The following LTBP1 variants were observed in gnomAD, a reference collection of about 807,000 sequenced individuals.
The protein encoded by LTBP1 is latent-transforming growth factor beta-binding protein 1.
LTBP1 carries 129 observed loss-of-function variants against 207.6 expected under a neutral mutation model. The ratio of observed to expected loss-of-function variants is 0.62; its 90% CI spans 0.54 to 0.72. LTBP1 has a LOEUF of 0.72. LTBP1 is among the 30% of genes least tolerant of loss of function. The pLI, the probability that LTBP1 is intolerant of heterozygous loss-of-function variation, is 0.00. For synonymous variants in LTBP1, 963 were observed against 833.7 expected, an observed-to-expected ratio of 1.16 and a Z score of -2.67; for missense variants, 2,281 against 2,217.2, an observed-to-expected ratio of 1.03 and a Z score of -0.58.
chr2:33,393,234 C>CTTTTTTTT (rs569734292), intron 32 of LTBP1, among the ~76,000 whole-genome samples: 27 of 48,740 alleles, frequency 5.5e-4, no homozygotes, highest in African/African-American at 8.1e-4. Context: ...CCTTCTTCTT[C>CTTTTTTTT]TTTTTTTTTT....
At chr2:33,367,777 A>T (rs995078927) in intron 31 of LTBP1, among the ~76,000 whole-genome samples, 7 of 152,162 alleles carry the variant, frequency 4.6e-5, no homozygotes, top group African/African-American at 1.7e-4. Context: ...TCATTGCAGC[A>T]TTGTTTATAA....
At chr2:33,291,296 T>A (rs1185981977) in intron 19 of LTBP1, among the ~76,000 whole-genome samples, 5 of 152,252 alleles carry the variant, frequency 3.3e-5, no homozygotes, top group African/African-American at 1.2e-4. Flanking sequence ...AAGTATGGTC[T>A]TAGAAATTGA....
At chr2:33,347,619 C>A in intron 26 of LTBP1, 109 bp downstream of exon 26, 1 of 1,299,916 alleles carries the variant, frequency 7.7e-7, no homozygotes, top group Non-Finnish European at 1.1e-6. Context: ...AGCCAGATGT[C>A]CTGACACAGT....
At chr2:33,028,820 C>T (rs2075553989) in intron 3 of LTBP1, among the ~76,000 whole-genome samples, 1 of 152,068 alleles carries the variant, frequency 6.6e-6, no homozygotes, top group Non-Finnish European at 1.5e-5. Flanking sequence ...TTGCTCCTTG[C>T]ACTTAGAATG....
intron 3 of LTBP1, among the ~76,000 whole-genome samples, chr2:33,026,115 G>T (rs1267987831): frequency 6.6e-6 from 1 of 152,134 alleles, no homozygotes; most frequent in African/African-American, 2.4e-5. Flanking sequence ...AAGAGTTCAA[G>T]CTTGTTGCAG....
intron 5 of LTBP1, 94 bp downstream of exon 5, chr2:33,135,054 CT>C: frequency 1.6e-6 from 2 of 1,258,970 alleles, no homozygotes; most frequent in Non-Finnish European, 2.2e-6. Context: ...CTGCTGTCTG[CT>C]TCAATGGGTG....
intron 2 of LTBP1, among the ~76,000 whole-genome samples, chr2:32,992,714 C>G (rs1684612296): frequency 6.6e-6 from 1 of 152,148 alleles, no homozygotes; most frequent in Non-Finnish European, 1.5e-5. Context: ...AGCACTCTGC[C>G]TGGTACACAG....
In LTBP1 at chr2:32,947,706, G is replaced by A; in HGVS notation, c.382G>A (p.Ala128Thr). The A allele has an allele frequency of 6.6e-7, 1 of 1,526,354 alleles. No homozygotes were observed. The highest frequency in any genetic ancestry group is 8.8e-7 in the Non-Finnish European group (1 of 1,137,640). 94.6% of individuals were successfully genotyped at this position (1,526,354 alleles called of 1,614,324 possible). Reference sequence around the variant, plus strand: ...CCCCAATCCCGGCGGCCACCCGGCAGCCGCCCCGTTCACCAAACAAGGCAG... The same window carrying A: ...CCCCAATCCCGGCGGCCACCCGGCAACCGCCCCGTTCACCAAACAAGGCAG... ...LHPNPGGHPA[A>T]APFTKQGRQV... Residue 128 changes from alanine (A) to threonine (T), a missense_variant, in exon 1 of 34, where the codon GCC (alanine) becomes ACC (threonine). Physicochemically the swap from Ala to Thr is moderately conservative, Grantham distance 58. Transcript: ENST00000404816.
chr2:32,976,327 A>G (rs922362877), intron 2 of LTBP1, among the ~76,000 whole-genome samples: 3 of 152,152 alleles, frequency 2.0e-5, no homozygotes, highest in African/African-American at 7.2e-5. Context: ...GGGCCGTGGC[A>G]GTGGGATCCA....
chr2:33,210,290 C>G (rs1472693727), intron 7 of LTBP1, among the ~76,000 whole-genome samples: 5 of 152,122 alleles, frequency 3.3e-5, no homozygotes, highest in Admixed American at 6.5e-5. Context: ...CAATGGGCCT[C>G]CAATCATCTA....
intron 2 of LTBP1, among the ~76,000 whole-genome samples, chr2:32,971,002 T>TTGTGTGTG (rs56246215): frequency 6.6e-4 from 94 of 142,636 alleles, no homozygotes; most frequent in African/African-American, 2.3e-3. Context: ...TCCTAGGTAT[T>TTGTGTGTG]TGTGTGTGTG....
intron 26 of LTBP1, among the ~76,000 whole-genome samples, chr2:33,348,995 A>G (rs7589035): frequency 0.12 from 18,196 of 152,162 alleles, 2,074 homozygotes; most frequent in African/African-American, 0.3. Flanking sequence ...AAAATTTTCT[A>G]GCAGTATCCT....
intron 24 of LTBP1, among the ~76,000 whole-genome samples, chr2:33,339,243 G>A (rs141699004): frequency 8.6e-5 from 13 of 151,984 alleles, no homozygotes; most frequent in African/African-American, 3.1e-4. Flanking sequence ...GAGGAGGGGA[G>A]TGATAATAAA....
chr2:33,025,218 C>T (rs1475586564), intron 3 of LTBP1, among the ~76,000 whole-genome samples: 1 of 152,174 alleles, frequency 6.6e-6, no homozygotes, highest in Non-Finnish European at 1.5e-5. Flanking sequence ...TAAGTCTAGT[C>T]CTCACTCAGA....
chr2:33,363,593 A>G, intron 29 of LTBP1, 75 bp downstream of exon 29: 1 of 1,440,442 alleles, frequency 6.9e-7, no homozygotes, highest in Non-Finnish European at 9.3e-7. Flanking sequence ...CTATGTAGTA[A>G]AAACAATTTC....
chr2:32,978,602 A>T (rs930895507), intron 2 of LTBP1, among the ~76,000 whole-genome samples: 11 of 148,740 alleles, frequency 7.4e-5, no homozygotes, highest in Non-Finnish European at 1.3e-4. Flanking sequence ...TTGGTTTGTT[A>T]GTATTTTGTC....
intron 3 of LTBP1, among the ~76,000 whole-genome samples, chr2:33,101,256 T>A (rs2079716327): frequency 6.6e-6 from 1 of 152,142 alleles, no homozygotes; most frequent in Non-Finnish European, 1.5e-5. Context: ...TCAAAAAAAA[T>A]TTTAAGTGAA....
At chr2:33,339,973 G>A (rs1323417746) in intron 24 of LTBP1, among the ~76,000 whole-genome samples, 2 of 151,944 alleles carry the variant, frequency 1.3e-5, no homozygotes, top group South Asian at 2.1e-4. Flanking sequence ...AAGTCACCAA[G>A]GTCAGGAAAT....
chr2:32,970,518 C>G (rs187741773), intron 2 of LTBP1, among the ~76,000 whole-genome samples: 2 of 152,236 alleles, frequency 1.3e-5, no homozygotes, highest in Admixed American at 6.5e-5. Flanking sequence ...AATAAGGAGT[C>G]TTTTCTCCAT....
Sources: gnomAD v4.1 joint callset for allele counts (sites outside exome capture counted in the v4.1 genomes callset) on GRCh38, gnomAD v4.1.1 for gene constraint, MANE v1.5 for transcripts, NCBI Gene and HGNC (gene_info 2026-07-23, HGNC 2026-07-21) for gene names.